QTMAN: variants seen among roughly 807,000 people sequenced by gnomAD.
QTMAN encodes the protein queuosine-tRNA mannosyltransferase.
At chr2:144,222,491 A>T in the QTMAN span, among the ~76,000 whole-genome samples, 1 of 151,936 alleles carries the variant, frequency 6.6e-6, no homozygotes, top group East Asian at 1.9e-4. Flanking sequence ...TTGCACACTT[A>T]ATTTCTGAAG....
chr2:144,112,198 A>C, the QTMAN span, among the ~76,000 whole-genome samples: 2 of 152,234 alleles, frequency 1.3e-5, no homozygotes, highest in African/African-American at 4.8e-5. Context: ...AGTCTGCTAT[A>C]TTTTGAGACA....
At chr2:144,171,836 T>C in the QTMAN span, among the ~76,000 whole-genome samples, 21 of 152,170 alleles carry the variant, frequency 1.4e-4, no homozygotes, top group African/African-American at 3.6e-4. Flanking sequence ...ATAACCAGGT[T>C]ACAAATAGAG....
At chr2:144,116,935 T>C in the QTMAN span, among the ~76,000 whole-genome samples, 1 of 152,136 alleles carries the variant, frequency 6.6e-6, no homozygotes, top group Admixed American at 6.5e-5. Flanking sequence ...GGGTCCTGGG[T>C]TTTTGGGGTT....
chr2:144,332,956 T>C, the QTMAN span, among the ~76,000 whole-genome samples: 97 of 152,264 alleles, frequency 6.4e-4, no homozygotes, highest in South Asian at 1.4e-3. Flanking sequence ...AGCCGGCCCG[T>C]TGCATCTCCT....
the QTMAN span, among the ~76,000 whole-genome samples, chr2:144,322,055 C>T: frequency 6.6e-6 from 1 of 152,140 alleles, no homozygotes; most frequent in Non-Finnish European, 1.5e-5. Flanking sequence ...ACCTTCTTAC[C>T]CTCTGAATAT....
the QTMAN span, among the ~76,000 whole-genome samples, chr2:144,104,617 A>G: frequency 6.6e-6 from 1 of 152,214 alleles, no homozygotes; most frequent in South Asian, 2.1e-4. Flanking sequence ...AGGAAGCTCG[A>G]ACTGGGTGGA....
the QTMAN span, among the ~76,000 whole-genome samples, chr2:144,015,950 A>G: frequency 6.6e-6 from 1 of 152,170 alleles, no homozygotes; most frequent in Non-Finnish European, 1.5e-5. Flanking sequence ...AAAAAGGAGA[A>G]CATGTGTCGG....
the QTMAN span, among the ~76,000 whole-genome samples, chr2:144,097,121 A>T: frequency 1.3e-5 from 2 of 152,176 alleles, no homozygotes; most frequent in African/African-American, 2.4e-5. Flanking sequence ...AGCCCTATAC[A>T]CACATACAAT....
At chr2:144,199,815 C>G in the QTMAN span, among the ~76,000 whole-genome samples, 1 of 152,004 alleles carries the variant, frequency 6.6e-6, no homozygotes, top group South Asian at 2.1e-4. Context: ...AACTTAGGAA[C>G]AGATAAATCA....
the QTMAN span, among the ~76,000 whole-genome samples, chr2:144,258,161 T>C: frequency 1.4e-5 from 2 of 145,816 alleles, no homozygotes; most frequent in African/African-American, 5.1e-5. Context: ...TACAAAGATA[T>C]ATAAGAGATA....
the QTMAN span, among the ~76,000 whole-genome samples, chr2:144,259,294 G>A: frequency 5.9e-5 from 9 of 152,156 alleles, no homozygotes; most frequent in Non-Finnish European, 1.2e-4. Context: ...CAGAAGCTGG[G>A]ATTACAGACA....
chr2:143,958,488 T>C, the QTMAN span, among the ~76,000 whole-genome samples: 53 of 152,240 alleles, frequency 3.5e-4, no homozygotes, highest in Non-Finnish European at 7.2e-4. Context: ...TTTGTGAGAC[T>C]CACCAGTCGA....
At chr2:143,984,318 C>T in the QTMAN span, among the ~76,000 whole-genome samples, 1 of 152,066 alleles carries the variant, frequency 6.6e-6, no homozygotes, top group Non-Finnish European at 1.5e-5. Flanking sequence ...AAAAAGCTGC[C>T]AAAGATAATG....
chr2:144,037,432 A>C, the QTMAN span, among the ~76,000 whole-genome samples: 1 of 152,134 alleles, frequency 6.6e-6, no homozygotes, highest in African/African-American at 2.4e-5. Flanking sequence ...CCCTCACCTA[A>C]TGCCACCTTG....
chr2:143,990,265 A>C, the QTMAN span, among the ~76,000 whole-genome samples: 26 of 152,188 alleles, frequency 1.7e-4, no homozygotes, highest in East Asian at 1.9e-4. Context: ...AATTGGTATA[A>C]GGTAGACAGA....
chr2:144,038,355 C>T, the QTMAN span, among the ~76,000 whole-genome samples: 3 of 151,998 alleles, frequency 2.0e-5, no homozygotes, highest in South Asian at 6.2e-4. Flanking sequence ...ACATATATTA[C>T]ATATGTGTGT....
At chr2:144,240,892 A>C in the QTMAN span, among the ~76,000 whole-genome samples, 1 of 152,212 alleles carries the variant, frequency 6.6e-6, no homozygotes, top group Non-Finnish European at 1.5e-5. Context: ...AGTTCTAAGA[A>C]AAAAACTGCA....
chr2:143,962,000 T>C, the QTMAN span, among the ~76,000 whole-genome samples: 13 of 151,946 alleles, frequency 8.6e-5, no homozygotes, highest in Admixed American at 6.6e-4. Context: ...CTCATCCTTG[T>C]TAGGGTATCA....
At chr2:144,088,107 A>C in the QTMAN span, among the ~76,000 whole-genome samples, 1 of 152,056 alleles carries the variant, frequency 6.6e-6, no homozygotes. Flanking sequence ...GTAAAGTTGC[A>C]GGACACAAAA....
Sources: allele counts gnomAD v4.1 joint callset (sites outside exome capture counted in the v4.1 genomes callset), GRCh38; gene constraint gnomAD v4.1.1; transcripts MANE v1.5; gene names NCBI Gene and HGNC (gene_info 2026-07-23, HGNC 2026-07-21).